The following ATAT1 variants were observed in gnomAD, a reference collection of about 807,000 sequenced individuals.
The protein encoded by ATAT1 is alpha tubulin acetyltransferase 1, also known as alpha-tubulin N-acetyltransferase 1.
Under a neutral mutation model 57.2 loss-of-function variants are expected in ATAT1, and 42 were observed. The observed-to-expected ratio is 0.73, with a 90% confidence interval of 0.57 to 0.95. ATAT1 has a LOEUF of 0.95. Among genes scored for constraint, ATAT1 ranks in the 40% least tolerant of loss-of-function variants. The pLI is 0.00. For synonymous variants in ATAT1, 168 were observed against 187.1 expected (o/e 0.90, Z 0.83); for missense variants, 454 against 523.7 (o/e 0.87, Z 1.30).
intron 3 of ATAT1, 55 bp downstream of exon 3, chr6:30,627,782 TC>T: frequency 6.2e-7 from 1 of 1,604,482 alleles, no homozygotes; most frequent in Non-Finnish European, 8.5e-7. Flanking sequence ...CCTCAGCCCT[TC>T]CCCCATCTTT....
At chr6:30,638,668 G>A (rs563107934) in intron 6 of ATAT1, among the ~76,000 whole-genome samples, 1 of 151,684 alleles carries the variant, frequency 6.6e-6, no homozygotes, top group South Asian at 2.1e-4. Context: ...CTCCTCTTGA[G>A]TAAACTCTTA....
rs1167102599 is a variant in ATAT1, at chr6:30,627,702, A to G, written c.199A>G (p.Ile67Val). The G allele has an allele frequency of 6.2e-7, 1 of 1,612,972 alleles. No homozygotes were observed. Among genetic ancestry groups the G allele is most frequent in the Admixed American group, 1.7e-5 (1 of 60,004 alleles). The change falls in exon 3 of 13, where the codon ATT becomes GTT. Residue 67 changes from isoleucine to valine, a missense_variant. Physicochemically the swap from Ile to Val is conservative, Grantham distance 29. Around this residue, in one of 3 missense-constraint regions of ATAT1, gnomAD observed 236 missense variants for 284.5 expected, o/e 0.83. Coordinates refer to ENST00000330083, the MANE Select transcript of ATAT1 (RefSeq NM_001031722.4). ...GCAGAGTAACCGCCATGTTGTTTAT[A>G]TTCTCAAAGACAGTTCAGCCCGACC...
chr6:30,646,370 G>A, intron 12 of ATAT1, 99 bp from the exon 13 acceptor site: 1 of 1,449,694 alleles, frequency 6.9e-7, no homozygotes, highest in Non-Finnish European at 9.1e-7. Context: ...CCCATCATGT[G>A]TCCTACATTA....
In ATAT1 at chr6:30,642,833, G is replaced by GTCCCCCCCCCCCCCCCC; in HGVS notation, c.754_755insTCCCCCCCCCCCCCCCC (p.Ala252ValfsTer73). The GTCCCCCCCCCCCCCCCC allele has an allele frequency of 1.3e-6, 2 of 1,537,878 alleles. No individual in the cohort carries two copies. The highest frequency in any genetic ancestry group is 1.7e-6 in the Non-Finnish European group (2 of 1,145,784). On this transcript the variant is annotated frameshift_variant, in exon 10 of 13. Coordinates refer to ENST00000330083, the MANE Select transcript of ATAT1 (RefSeq NM_001031722.4). LOFTEE classifies it high-confidence loss of function. ...GGCCCCTCGCCGCGCCACACCTCCA[G>GTCCCCCCCCCCCCCCCC]CCCACCCACCCCCCCGCTCCAGCAG... is the stretch of plus-strand genomic sequence containing the variant.
Position 30,644,575 on chromosome 6 carries a change from TCA to T in ATAT1, c.933-1318_933-1317del, listed in dbSNP as rs1439738420. ...AGCCGGATCTCCCCATCTCCCCTAC[TCA>T]CTCTTCCCTTTTCTTCTCTCAGTGT... On this transcript the variant is annotated intron_variant, in intron 10 of 12. Transcript: ENST00000330083. 7.7e-5 allele frequency: 76 copies of T among 985,394 alleles called. No homozygotes were observed. In the African/African-American group the frequency reaches 1.2e-3, roughly 16 times the overall value. The allele number at this position is 985,394 out of a possible 1,614,324, so 61.0% of individuals were successfully genotyped here.
In ATAT1 at chr6:30,642,965, T is replaced by C; in HGVS notation, c.886T>C (p.Leu296=). The stretch of plus-strand genomic sequence containing the variant: ...CCCACACCCTACCGCCCGCCTTCTG[T>C]TGGCTGCTGACCCTGGGGGCAGCCC... The change falls in exon 10 of 13, where the codon TTG becomes CTG. Residue 296 remains leucine (L), a synonymous_variant. Coordinates refer to ENST00000330083, the MANE Select transcript of ATAT1 (RefSeq NM_001031722.4). 6.2e-7 allele frequency: 1 copy of C among 1,613,992 alleles called. No individual in the cohort carries two copies. The highest frequency in any genetic ancestry group is 8.5e-7 in the Non-Finnish European group (1 of 1,179,996).
At chr6:30,643,477 C>G in intron 10 of ATAT1, 1 of 1,548,404 alleles carries the variant, frequency 6.5e-7, no homozygotes, top group Non-Finnish European at 8.7e-7. Flanking sequence ...CTCTCCCCCG[C>G]CCCCCGCCAT....
chr6:30,629,920 T>C (rs999374404), intron 6 of ATAT1, among the ~76,000 whole-genome samples: 2 of 152,220 alleles, frequency 1.3e-5, no homozygotes, highest in Admixed American at 6.5e-5. Context: ...ATTACTCATC[T>C]GGTCAGTCAG....
In ATAT1 at chr6:30,642,836, C is replaced by A; in HGVS notation, c.757C>A (p.His253Asn). The A allele has an allele frequency of 3.2e-6, 2 of 615,830 alleles. No homozygotes were observed. Among genetic ancestry groups the A allele is most frequent in the African/African-American group, 2.0e-5 (1 of 49,184 alleles). 38.1% of individuals were successfully genotyped at this position (615,830 alleles called of 1,614,324 possible). A position where few individuals can be genotyped will look rare whatever the true frequency, so the allele number is the denominator to read the frequency against. The change falls in exon 10 of 13, where the codon CAC (histidine) becomes AAC (asparagine). Residue 253 changes from histidine to asparagine, a missense_variant. His to Asn is a moderately conservative substitution (Grantham distance 68). Transcript: ENST00000330083. The stretch of plus-strand genomic sequence containing the variant: ...CCCTCGCCGCGCCACACCTCCAGCC[C>A]ACCCACCCCCCCGCTCCAGCAGCCT...
chr6:30,644,645 C>T, intron 10 of ATAT1: 3 of 983,186 alleles, frequency 3.1e-6, no homozygotes, highest in Non-Finnish European at 2.4e-6. Context: ...TCTAAATTGA[C>T]ATTTTCAATG....
At chr6:30,638,172 C>T (rs906459431) in intron 6 of ATAT1, among the ~76,000 whole-genome samples, 7 of 151,976 alleles carry the variant, frequency 4.6e-5, no homozygotes, top group Non-Finnish European at 4.4e-5. Flanking sequence ...CCACTGGGCC[C>T]GGCCCACGCC....
Position 30,626,940 on chromosome 6 carries a change from G to A in ATAT1, c.-264G>A, listed in dbSNP as rs1470418078. On this transcript the variant is annotated 5_prime_UTR_variant, in exon 1 of 13. Coordinates refer to ENST00000330083, the MANE Select transcript of ATAT1 (RefSeq NM_001031722.4). ...GTTCCCGGAGCGGATCACGGTGCTG[G>A]ACCAGCACCTGAGGCCCCCAGCCCG... 7.5e-6 allele frequency: 12 copies of A among 1,609,148 alleles called. No individual in the cohort carries two copies. Among genetic ancestry groups the A allele is most frequent in the Non-Finnish European group, 8.5e-6 (10 of 1,178,554 alleles).
At chr6:30,643,635 C>A in intron 10 of ATAT1, 1 of 1,549,910 alleles carries the variant, frequency 6.5e-7, no homozygotes, top group Non-Finnish European at 8.7e-7. Flanking sequence ...CAGACCCACT[C>A]TTCCATTGCA....
chr6:30,635,084 A>C (rs1024403453), intron 6 of ATAT1, among the ~76,000 whole-genome samples: 2 of 152,236 alleles, frequency 1.3e-5, no homozygotes, highest in African/African-American at 4.8e-5. Flanking sequence ...GGTTTGTGTG[A>C]GATGGTTAAA....
chr6:30,643,729 A>T, intron 10 of ATAT1: 1 of 1,430,266 alleles, frequency 7.0e-7, no homozygotes, highest in Non-Finnish European at 9.2e-7. Flanking sequence ...CAGGGTCTCA[A>T]ACTGCCTAAC....
intron 10 of ATAT1, chr6:30,644,401 T>TCTTCCTCTGTC (rs1561935771): frequency 1.0e-6 from 1 of 985,780 alleles, no homozygotes; most frequent in South Asian, 4.7e-5. Context: ...GGGGGACCAC[T>TCTTCCTCTGTC]CTTCCTCTGT....
intron 6 of ATAT1, among the ~76,000 whole-genome samples, chr6:30,638,575 G>GTTT (rs1236891609): frequency 2.1e-5 from 3 of 140,344 alleles, no homozygotes; most frequent in Non-Finnish European, 4.7e-5. Flanking sequence ...TGGCCCCCGA[G>GTTT]TTTTTTTTTT....
At chr6:30,635,238 G>A (rs1763812913) in intron 6 of ATAT1, among the ~76,000 whole-genome samples, 4 of 152,122 alleles carry the variant, frequency 2.6e-5, no homozygotes, top group Admixed American at 2.6e-4. Context: ...TGTTCTAACA[G>A]CAACAAAAAG....
At chr6:30,646,194 A>G (rs950501704) in intron 12 of ATAT1, 85 bp downstream of exon 12, 1 of 1,539,286 alleles carries the variant, frequency 6.5e-7, no homozygotes, top group African/African-American at 1.4e-5. Context: ...TCCTACTCTT[A>G]AATCTTATTG....
Sources: gnomAD v4.1 joint callset for allele counts (sites outside exome capture counted in the v4.1 genomes callset) on GRCh38, gnomAD v4.1.1 for gene constraint, gnomAD v4.1.1 regional missense constraint, MANE v1.5 for transcripts, NCBI Gene and HGNC (gene_info 2026-07-23, HGNC 2026-07-21) for gene names.